The following SLC15A4 variants were observed in gnomAD, a reference collection of about 807,000 sequenced individuals.
SLC15A4 encodes solute carrier family 15 member 4.
Under a neutral mutation model 46.1 loss-of-function variants are expected in SLC15A4, and 26 were observed. The ratio of observed to expected loss-of-function variants is 0.56; its 90% CI spans 0.41 to 0.78. The LOEUF is 0.78. Among genes scored for constraint, SLC15A4 ranks in the 30% least tolerant of loss-of-function variants. The pLI is 0.00. For synonymous variants in SLC15A4, 370 were observed against 333.4 expected, an observed-to-expected ratio of 1.11 and a Z score of -1.20; for missense variants, 751 against 755.7, an observed-to-expected ratio of 0.99 and a Z score of 0.07.
intron 7 of SLC15A4, among the ~76,000 whole-genome samples, chr12:128,795,387 G>A (rs924731576): frequency 2.0e-5 from 3 of 152,138 alleles, no homozygotes; most frequent in Non-Finnish European, 2.9e-5. Flanking sequence ...CACTTTACAC[G>A]CAACGTCTGC....
intron 7 of SLC15A4, among the ~76,000 whole-genome samples, chr12:128,794,698 G>A (rs77360827): frequency 2.6e-5 from 4 of 152,274 alleles, no homozygotes; most frequent in East Asian, 1.9e-4. Context: ...AAATCCCTGC[G>A]TGGCCTGCAG....
At chr12:128,823,101 G>A (rs1404771923) in intron 1 of SLC15A4, among the ~76,000 whole-genome samples, 1 of 152,178 alleles carries the variant, frequency 6.6e-6, no homozygotes. Flanking sequence ...GCCTCCCAAA[G>A]TGCTGGAATT....
chr12:128,806,288 G>A (rs917412523), intron 5 of SLC15A4, among the ~76,000 whole-genome samples: 2 of 151,812 alleles, frequency 1.3e-5, no homozygotes, highest in East Asian at 1.9e-4. Context: ...CACCTAAGAT[G>A]ACAAGTTTGA....
chr12:128,809,367 A>C (rs1476756327), intron 4 of SLC15A4, 29 bp downstream of exon 4: 2 of 1,432,838 alleles, frequency 1.4e-6, no homozygotes, highest in South Asian at 2.5e-5. Flanking sequence ...CCAAAATAAC[A>C]ATGTTCAGAT....
intron 7 of SLC15A4, among the ~76,000 whole-genome samples, chr12:128,795,944 T>C (rs2135702078): frequency 6.6e-6 from 1 of 152,304 alleles, no homozygotes; most frequent in South Asian, 2.1e-4. Flanking sequence ...GGGGAGCGAG[T>C]GCTCTGGAAT....
chr12:128,821,884 CAA>C (rs10579523), intron 1 of SLC15A4, among the ~76,000 whole-genome samples: 4,823 of 132,866 alleles, frequency 0.036, 87 homozygotes, highest in Middle Eastern at 0.075. Flanking sequence ...GACTCCGCCT[CAA>C]AAAAAAAAAA....
At position 128,810,041 on chromosome 12, in the gene SLC15A4, C is replaced by T; in HGVS notation, c.913G>A (p.Gly305Arg). ...TCCACTTTCTCTTCTGTAAATGGCC[C>T]ACCATGAGACATCTTACATGAATCA... ...LFDSCKMSHGGPFTEEKVEDV... is the reference protein window; with the variant it reads ...LFDSCKMSHGRPFTEEKVEDV... The change falls in exon 3 of 8, where the codon GGG becomes AGG. Residue 305 changes from glycine to arginine, a missense_variant. Coordinates refer to ENST00000266771, the MANE Select transcript of SLC15A4 (RefSeq NM_145648.4). 6.2e-7 allele frequency: 1 copy of T among 1,614,124 alleles called. No homozygotes were observed. The highest frequency in any genetic ancestry group is 8.5e-7 in the Non-Finnish European group (1 of 1,180,012).
At chr12:128,821,832 G>A (rs1178223683) in intron 1 of SLC15A4, among the ~76,000 whole-genome samples, 2 of 150,342 alleles carry the variant, frequency 1.3e-5, no homozygotes, top group Non-Finnish European at 2.9e-5. Flanking sequence ...GTTGCAGTGA[G>A]CTGAGATCGC....
At position 128,803,923 on chromosome 12, in the gene SLC15A4, G is replaced by A. The variant is rs140450105; in HGVS notation, c.1259-2914C>T. Among the ~76,000 whole-genome samples the A allele has an allele frequency of 7.8e-3, 1,184 of 152,312 alleles. 13 individuals are homozygous for A. Among genetic ancestry groups the A allele is most frequent in the African/African-American group, 0.027 (1,120 of 41,558 alleles). The stretch of plus-strand genomic sequence containing the variant: ...TTAAGCCCACATGGTGTTTTAGAAA[G>A]TGTTCGGGCAGGACCTGTCTGTGCC... On this transcript the variant is annotated intron_variant, in intron 5 of 7. Coordinates refer to ENST00000266771, the MANE Select transcript of SLC15A4 (RefSeq NM_145648.4).
chr12:128,813,395 C>A (rs1207060527), intron 2 of SLC15A4: 1 of 152,138 alleles, frequency 6.6e-6, no homozygotes, highest in Non-Finnish European at 1.5e-5. Context: ...CCACAATGAC[C>A]CACTGGCATT....
At chr12:128,810,779 G>A (rs1404517932) in intron 2 of SLC15A4, among the ~76,000 whole-genome samples, 3 of 152,190 alleles carry the variant, frequency 2.0e-5, no homozygotes, top group South Asian at 2.1e-4. Context: ...AGTGCACCGC[G>A]TCCCATGTGC....
rs1955626116 is a variant in SLC15A4 at position 128,809,382 on chromosome 12, A to G, written c.1089+14T>C. 6.5e-7 allele frequency: 1 copy of G among 1,533,784 alleles called. No homozygotes were observed. The highest frequency in any genetic ancestry group is 1.4e-5 in the African/African-American group (1 of 72,772). ...CCAAAATAACAATGTTCAGATCATT[A>G]CAATTGTTCTTACCGTGTGAGGAGT... On this transcript the variant is annotated intron_variant, in intron 4 of 7. Transcript: ENST00000266771.
chr12:128,794,225 T>C lies in SLC15A4; in HGVS notation c.1705A>G (p.Asn569Asp). 1 of 1,613,560 alleles carries C rather than the reference T, an allele frequency of 6.2e-7. No individual in the cohort carries two copies. The highest frequency in any genetic ancestry group is 8.5e-7 in the Non-Finnish European group (1 of 1,179,602). The change falls in exon 8 of 8, where the codon AAT becomes GAT. Residue 569 changes from asparagine (N) to aspartate (D), a missense_variant. Physicochemically the swap from Asn to Asp is conservative, Grantham distance 23. Coordinates refer to ENST00000266771, the MANE Select transcript of SLC15A4 (RefSeq NM_145648.4). ...GCCCTCCTGCTGGTGGGCACGCCATTGGCTCTTGATCGCTGATGGTCTCGA... is the reference window on the plus strand; with the variant it reads ...GCCCTCCTGCTGGTGGGCACGCCATCGGCTCTTGATCGCTGATGGTCTCGA... ...HHRDHQRSRANGVPTSRRA is the reference protein window; with the variant it reads ...HHRDHQRSRADGVPTSRRA
At chr12:128,800,772 A>G in intron 6 of SLC15A4, 82 bp downstream of exon 6, 1 of 1,424,242 alleles carries the variant, frequency 7.0e-7, no homozygotes, top group Non-Finnish European at 9.4e-7. Context: ...TTGTCTCAAC[A>G]TATTCCAACA....
intron 1 of SLC15A4, among the ~76,000 whole-genome samples, chr12:128,819,056 C>T (rs927434799): frequency 6.6e-6 from 1 of 152,114 alleles, no homozygotes; most frequent in African/African-American, 2.4e-5. Flanking sequence ...AGTTGAATTG[C>T]AAAATGCACA....
In SLC15A4 at chr12:128,809,447, A is replaced by C; in HGVS notation, c.1038T>G (p.Ser346Arg). The C allele has an allele frequency of 6.2e-7, 1 of 1,608,140 alleles. No homozygotes were observed. Among genetic ancestry groups the C allele is most frequent in the Non-Finnish European group, 8.5e-7 (1 of 1,177,102 alleles). ...FQMQTTYVLQ[S>R]LHLRIPEISN... ...AAATTTCTGGAATCCTCAAATGAAG[A>C]CTCTGTAAAACATATGTTGTCTGCA... The change falls in exon 4 of 8, where the codon AGT becomes AGG. Residue 346 changes from serine to arginine, a missense_variant. Transcript: ENST00000266771.
chr12:128,808,760 A>T (rs1955617748), intron 5 of SLC15A4, 28 bp downstream of exon 5: 1 of 1,611,338 alleles, frequency 6.2e-7, no homozygotes, highest in Non-Finnish European at 8.5e-7. Context: ...GTCGGGCCTG[A>T]GGAGGAACGG....
chr12:128,799,180 G>A (rs1441380505), intron 7 of SLC15A4, 79 bp downstream of exon 7: 11 of 1,532,598 alleles, frequency 7.2e-6, no homozygotes, highest in East Asian at 2.3e-5. Context: ...AAACACCTCC[G>A]CTCACTCAGC....
Position 128,823,930 on chromosome 12 carries a change from C to A in SLC15A4, c.14G>T (p.Gly5Val). 1 of 644,182 alleles carries A rather than the reference C, an allele frequency of 1.6e-6. No individual in the cohort carries two copies. Among genetic ancestry groups the A allele is most frequent in the South Asian group, 6.6e-5 (1 of 15,260 alleles). 39.9% of individuals were successfully genotyped at this position (644,182 alleles called of 1,614,324 possible). Residue 5 changes from glycine (G) to valine (V), a missense_variant, in exon 1 of 8, where the codon GGG (glycine) becomes GTG (valine). Physicochemically the swap from Gly to Val is moderately radical, Grantham distance 109 (BLOSUM62 -3). Transcript: ENST00000266771. ...CGGCGCCCGCTCGCCCGCACCGCCC[C>A]CAGAGCCCTCCATGCGACGCCGCCA... is the stretch of plus-strand genomic sequence containing the variant. MEGS[G>V]GGAGERAPLL...
Sources: gnomAD v4.1 joint callset for allele counts (sites outside exome capture counted in the v4.1 genomes callset) on GRCh38, gnomAD v4.1.1 for gene constraint, MANE v1.5 for transcripts, NCBI Gene and HGNC (gene_info 2026-07-23, HGNC 2026-07-21) for gene names.